Variants in PTPRB observed in about 807,000 individuals in gnomAD.
The protein encoded by PTPRB is receptor-type tyrosine-protein phosphatase beta.
A neutral mutation model predicts 238.1 loss-of-function variants in PTPRB; 97 were observed. The observed-to-expected ratio is 0.41, with a 90% CI of 0.35 to 0.48. PTPRB has a LOEUF of 0.48. PTPRB is among the 20% of genes least tolerant of loss of function. PTPRB has a pLI of 0.30. For missense variants in PTPRB, 2,292 were observed against 2,681.9 expected, an observed-to-expected ratio of 0.85 and a Z score of 3.21; for synonymous variants, 970 against 995.4, an observed-to-expected ratio of 0.97 and a Z score of 0.48.
At position 70,519,235 on chromosome 12, in the gene PTPRB, G is replaced by A. The variant is rs1871424123; in HGVS notation, c.*2254C>T. 1.3e-5 allele frequency: 2 copies of A among 152,068 alleles called. No homozygotes were observed. The highest frequency in any genetic ancestry group is 4.2e-4 in the South Asian group (2 of 4,810). The allele number at this position is 152,068 out of a possible 1,614,324, so 9.4% of individuals were successfully genotyped here. A position where few individuals can be genotyped will look rare whatever the true frequency, so the allele number is the denominator to read the frequency against. On this transcript the variant is annotated 3_prime_UTR_variant, in exon 34 of 34. Transcript: ENST00000334414. Reference sequence around the variant, plus strand: ...GTGAGTGTTATTTACTATTACAGATGCATAGGTTTTTTTTATGGTTTTAAC... The same window carrying A: ...GTGAGTGTTATTTACTATTACAGATACATAGGTTTTTTTTATGGTTTTAAC...
intron 9 of PTPRB, among the ~76,000 whole-genome samples, chr12:70,581,917 C>T (rs987745762): frequency 2.6e-5 from 4 of 151,954 alleles, no homozygotes; most frequent in African/African-American, 9.7e-5. Flanking sequence ...TTATTTGACA[C>T]CCATTCAGAA....
At chr12:70,571,802 A>G in intron 12 of PTPRB, 22 bp downstream of exon 12, 3 of 1,597,254 alleles carry the variant, frequency 1.9e-6, no homozygotes, top group Non-Finnish European at 2.6e-6. Context: ...CAACTGTCAG[A>G]TTTTGCAATC....
chr12:70,520,115 A>G lies in PTPRB; in HGVS notation c.*1374T>C, dbSNP rs1023593722. ...CCAAGTTTATTACAGAAAAATTTGT[A>G]GTGTGAAAAAGGCAAACATCTCCAG... is the stretch of plus-strand genomic sequence containing the variant. On this transcript the variant is annotated 3_prime_UTR_variant, in exon 34 of 34. Coordinates refer to ENST00000334414, the MANE Select transcript of PTPRB (RefSeq NM_001109754.4). The G allele has an allele frequency of 1.2e-5, 5 of 408,250 alleles. No homozygotes were observed. The highest frequency in any genetic ancestry group is 1.9e-5 in the Non-Finnish European group (4 of 206,378). The allele number at this position is 408,250 out of a possible 1,614,324, so 25.3% of individuals were successfully genotyped here.
In PTPRB at chr12:70,519,327, C is replaced by T. The variant is rs990802559; in HGVS notation, c.*2162G>A. ...AGGTTTGCTATTAAAGTAGCATTAG[C>T]ACTTTCCAGTGTGTGGCCTGTGGAA... On this transcript the variant is annotated 3_prime_UTR_variant, in exon 34 of 34. Transcript: ENST00000334414. The T allele has an allele frequency of 5.3e-5, 8 of 152,176 alleles. No individual in the cohort carries two copies. Among genetic ancestry groups the T allele is most frequent in the African/African-American group, 1.9e-4 (8 of 41,442 alleles). 9.4% of individuals were successfully genotyped at this position (152,176 alleles called of 1,614,324 possible).
rs565209656 is a variant in PTPRB, at chr12:70,554,906, T to C, written c.5143+254A>G. On this transcript the variant is annotated intron_variant, in intron 20 of 33. Coordinates refer to ENST00000334414, the MANE Select transcript of PTPRB (RefSeq NM_001109754.4). Reference sequence around the variant, plus strand: ...CTCAATAAATGATGGTTATTGTTATTATCGTTGTGGTTGCTATTATCATTA... The same window carrying C: ...CTCAATAAATGATGGTTATTGTTATCATCGTTGTGGTTGCTATTATCATTA... 7.9e-5 allele frequency among the ~76,000 whole-genome samples: 12 copies of C among 152,332 alleles called. No homozygotes were observed. The East Asian group carries it at 9.6e-4, about 12-fold the overall frequency.
Position 70,592,390 on chromosome 12 carries a change from T to C in PTPRB, c.1672A>G (p.Ile558Val). Residue 558 changes from isoleucine (I) to valine (V), a missense_variant, in exon 7 of 34, where the codon ATT becomes GTT. This residue lies in a region of PTPRB where 1,205 missense variants were observed against 1,287.8 expected (regional missense o/e 0.94). Coordinates refer to ENST00000334414, the MANE Select transcript of PTPRB (RefSeq NM_001109754.4). ...AACTCTTTAAAGTGAGTTTCAGTAA[T>C]CCAAGGTGCTAATACTCTGGATTCC... ...IKESRVLAPW[I>V]TETHFKELVP... 3 of 1,613,904 alleles carry C rather than the reference T, an allele frequency of 1.9e-6. No homozygotes were observed. The highest frequency in any genetic ancestry group is 2.5e-6 in the Non-Finnish European group (3 of 1,179,844).
intron 14 of PTPRB, among the ~76,000 whole-genome samples, chr12:70,568,251 C>G (rs528663537): frequency 6.6e-6 from 1 of 152,164 alleles, no homozygotes; most frequent in Non-Finnish European, 1.5e-5. Flanking sequence ...ATCTCCTTCA[C>G]TAGATTATAA....
chr12:70,622,177 A>G (rs1405353369), intron 3 of PTPRB, among the ~76,000 whole-genome samples: 1 of 152,222 alleles, frequency 6.6e-6, no homozygotes, highest in Non-Finnish European at 1.5e-5. Context: ...CAGCCTAATT[A>G]TCGGCATCTC....
chr12:70,603,351 C>T (rs182551320), intron 4 of PTPRB, among the ~76,000 whole-genome samples: 1 of 152,224 alleles, frequency 6.6e-6, no homozygotes, highest in Non-Finnish European at 1.5e-5. Context: ...ACATATTTAA[C>T]CATTATTCTA....
intron 15 of PTPRB, among the ~76,000 whole-genome samples, chr12:70,565,761 T>A (rs950952625): frequency 6.6e-6 from 1 of 152,188 alleles, no homozygotes; most frequent in Non-Finnish European, 1.5e-5. Flanking sequence ...GCCCCAAAGA[T>A]GTCCATGTCC....
At chr12:70,609,603 G>T (rs1884261854) in intron 3 of PTPRB, among the ~76,000 whole-genome samples, 1 of 152,178 alleles carries the variant, frequency 6.6e-6, no homozygotes, top group South Asian at 2.1e-4. Flanking sequence ...ATTCTGGGTT[G>T]GGGGGCTCAC....
At chr12:70,559,722 C>T (rs751049482) in intron 17 of PTPRB, 98 bp from the exon 18 acceptor site, 93 of 1,164,706 alleles carry the variant, frequency 8.0e-5, no homozygotes, top group Non-Finnish European at 1.1e-4. Context: ...TTTTAATGTA[C>T]TTTGTAGGAA....
intron 2 of PTPRB, among the ~76,000 whole-genome samples, chr12:70,633,294 G>A (rs1885535587): frequency 6.6e-6 from 1 of 152,106 alleles, no homozygotes; most frequent in Admixed American, 6.6e-5. Context: ...TTTTATCAGG[G>A]CTGGGCATGG....
rs201929850 is a variant in PTPRB at position 70,540,986 on chromosome 12, C to T, written c.5495-29G>A. 72 of 1,551,518 alleles carry T rather than the reference C, an allele frequency of 4.6e-5. No homozygotes were observed. The East Asian group carries it at 5.1e-4, about 11-fold the overall frequency. On this transcript the variant is annotated intron_variant, in intron 22 of 33. Transcript: ENST00000334414. The stretch of plus-strand genomic sequence containing the variant: ...CAATAATCCAGATAGAAACAACAAA[C>T]GCAGGTGGGAAAATTAGTGCTAGGG...
chr12:70,572,597 G>A (rs1306040852), intron 11 of PTPRB, among the ~76,000 whole-genome samples: 8 of 151,530 alleles, frequency 5.3e-5, no homozygotes, highest in Admixed American at 2.6e-4. Flanking sequence ...GTGAAACCCC[G>A]TCTCTACTAA....
At chr12:70,602,711 A>G (rs118043774) in intron 4 of PTPRB, among the ~76,000 whole-genome samples, 4,422 of 152,274 alleles carry the variant, frequency 0.029, 95 homozygotes, top group Non-Finnish European at 0.042. Context: ...ATAAATTGGT[A>G]ATTATTGAAG....
At chr12:70,544,774 G>T in intron 21 of PTPRB, 111 bp from the exon 22 acceptor site, 2 of 606,040 alleles carry the variant, frequency 3.3e-6, no homozygotes, top group Non-Finnish European at 5.6e-6. Flanking sequence ...TAGCAGGGTA[G>T]AATATGAGTT....
chr12:70,524,713 C>T, intron 32 of PTPRB, 122 bp from the exon 33 acceptor site: 1 of 983,794 alleles, frequency 1.0e-6, no homozygotes, highest in South Asian at 2.0e-5. Flanking sequence ...AACATCGCTT[C>T]ACTAATGGTC....
In PTPRB at chr12:70,552,949, T is replaced by C. The variant is rs200059399; in HGVS notation, c.5215A>G (p.Ile1739Val). ...SYLEYRHNAS[I>V]RVYQTNYFAS... ...AAATAATTAGTCTGATACACCCGAA[T>C]GGAGGCATTGTGCCTGTACTCCAGG... The change falls in exon 21 of 34, where the codon ATT becomes GTT. Residue 1739 changes from isoleucine to valine, a missense_variant. By Grantham distance (29) the Ile-to-Val change is conservative (BLOSUM62 3). This residue lies in a region of PTPRB where 683 missense variants were observed against 862.0 expected (regional missense o/e 0.79). Coordinates refer to ENST00000334414, the MANE Select transcript of PTPRB (RefSeq NM_001109754.4). The C allele has an allele frequency of 3.1e-5, 50 of 1,613,972 alleles. No individual in the cohort carries two copies. In the African/African-American group the frequency reaches 6.0e-4, roughly 19 times the overall value.
Sources: allele counts gnomAD v4.1 joint callset (sites outside exome capture counted in the v4.1 genomes callset), GRCh38; gene constraint gnomAD v4.1.1; regional missense constraint gnomAD v4.1.1; transcripts MANE v1.5; gene names NCBI Gene and HGNC (gene_info 2026-07-23, HGNC 2026-07-21).